Variants in BIRC6 observed in about 807,000 individuals in gnomAD.
BIRC6 encodes baculoviral IAP repeat containing 6.
A neutral mutation model predicts 503.3 loss-of-function variants in BIRC6; 98 were observed. That is an observed-to-expected ratio of 0.19 (90% CI 0.17 to 0.23). The LOEUF is 0.23. Among genes scored for constraint, BIRC6 ranks in the 10% least tolerant of loss-of-function variants. The probability of loss-of-function intolerance (pLI) is 1.00; values close to 1 mark genes in which losing one functional copy is unlikely to be tolerated. For synonymous variants in BIRC6, 2,240 were observed against 2,078.7 expected (o/e 1.08, Z -2.11); for missense variants, 5,360 against 5,806.0 (o/e 0.92, Z 2.50).
chr2:32,537,951 C>T (rs531056340), intron 61 of BIRC6, among the ~76,000 whole-genome samples: 2 of 149,812 alleles, frequency 1.3e-5, no homozygotes, highest in African/African-American at 2.5e-5. Flanking sequence ...TGGGCGACAG[C>T]GAGACTCCGT....
intron 65 of BIRC6, among the ~76,000 whole-genome samples, chr2:32,572,402 C>G (rs1411434497): frequency 6.6e-6 from 1 of 152,216 alleles, no homozygotes; most frequent in South Asian, 2.1e-4. Context: ...CCAGCTTTCC[C>G]TATTGAAAAC....
chr2:32,617,601 G>GGA (rs1180865967), intron 73 of BIRC6, 124 bp from the exon 74 acceptor site: 2 of 1,001,784 alleles, frequency 2.0e-6, no homozygotes, highest in African/African-American at 3.2e-5. Context: ...GCTTGCATAA[G>GGA]GAGGGGCTCA....
At chr2:32,429,038 C>T (rs1357243119) in intron 10 of BIRC6, 108 bp from the exon 11 acceptor site, 3 of 944,850 alleles carry the variant, frequency 3.2e-6, no homozygotes, top group Non-Finnish European at 4.5e-6. Flanking sequence ...GGTAGCTTTC[C>T]TTATCTGCCT....
At chr2:32,450,260 C>T (rs1430960394) in intron 22 of BIRC6, among the ~76,000 whole-genome samples, 3 of 152,198 alleles carry the variant, frequency 2.0e-5, no homozygotes, top group Non-Finnish European at 2.9e-5. Flanking sequence ...GGGCAGATCA[C>T]GAGGTCAGGA....
At chr2:32,452,204 C>T (rs1362521160) in intron 22 of BIRC6, among the ~76,000 whole-genome samples, 1 of 152,046 alleles carries the variant, frequency 6.6e-6, no homozygotes, top group South Asian at 2.1e-4. Flanking sequence ...TATAACACGT[C>T]GAATACGGAG....
chr2:32,607,766 T>A, intron 72 of BIRC6, 123 bp downstream of exon 72: 1 of 705,456 alleles, frequency 1.4e-6, no homozygotes, highest in Non-Finnish European at 2.1e-6. Context: ...TCACTTCAGG[T>A]CAGGAGTCTG....
chr2:32,500,420 ATT>A (rs368668031), intron 46 of BIRC6, among the ~76,000 whole-genome samples: 13 of 140,370 alleles, frequency 9.3e-5, no homozygotes, highest in Admixed American at 1.4e-4. Flanking sequence ...CACCCAGCTA[ATT>A]TTTTTTTTTT....
chr2:32,500,755 G>A (rs764944070), intron 46 of BIRC6, among the ~76,000 whole-genome samples: 8 of 151,906 alleles, frequency 5.3e-5, no homozygotes, highest in Non-Finnish European at 1.2e-4. Flanking sequence ...ACAGGCATGT[G>A]CCACCAGGCC....
chr2:32,569,437 G>A (rs960977088), intron 65 of BIRC6, among the ~76,000 whole-genome samples: 1 of 152,112 alleles, frequency 6.6e-6, no homozygotes. Context: ...AGTGCTATCA[G>A]AGCTCACTGT....
Position 32,388,855 on chromosome 2 carries a change from G to T in BIRC6, c.751G>T (p.Val251Leu). The change falls in exon 4 of 74, where the codon GTG becomes TTG. Residue 251 changes from valine to leucine, a missense_variant. By Grantham distance (32) the Val-to-Leu change is conservative. Transcript: ENST00000421745. Reference sequence around the variant, plus strand: ...AAATCAAAATGTTGCTGCCTTACCTGTGGCGTCCTCAGTGATGGACAGATT... The same window carrying T: ...AAATCAAAATGTTGCTGCCTTACCTTTGGCGTCCTCAGTGATGGACAGATT... The part of the protein sequence containing the change: ...KINQNVAALP[V>L]ASSVMDRLSY... The T allele has an allele frequency of 6.2e-7, 1 of 1,613,394 alleles. No individual in the cohort carries two copies.
At chr2:32,439,197 A>G (rs1033750) in intron 15 of BIRC6, among the ~76,000 whole-genome samples, 149,096 of 151,202 alleles carry the variant, frequency 0.99, 73,521 homozygotes, top group East Asian at 1. Context: ...GTGCGTGTGT[A>G]TGTGTGTGTG....
intron 23 of BIRC6, among the ~76,000 whole-genome samples, chr2:32,456,253 A>G (rs188605597): frequency 3.3e-5 from 5 of 152,214 alleles, no homozygotes; most frequent in African/African-American, 1.2e-4. Context: ...TAAGGTCTGT[A>G]TAACATAGAA....
At position 32,518,941 on chromosome 2, in the gene BIRC6, T is replaced by G; in HGVS notation, c.11618T>G (p.Val3873Gly). The change falls in exon 57 of 74, where the codon GTG (valine) becomes GGG (glycine). Residue 3873 changes from valine to glycine, a missense_variant. Around this residue, in one of 16 missense-constraint regions of BIRC6, gnomAD observed 878 missense variants for 928.9 expected, o/e 0.95. Transcript: ENST00000421745. ...ACATTATCAGATGTTCTTGACAGAGTGTCAGGCAAGTCAGATTTAAGTATT... is the reference window on the plus strand; with the variant it reads ...ACATTATCAGATGTTCTTGACAGAGGGTCAGGCAAGTCAGATTTAAGTATT... Reference protein sequence around the residue: ...STTLSDVLDRVSDTPSITAKL... With the variant: ...STTLSDVLDRGSDTPSITAKL... The G allele has an allele frequency of 6.2e-7, 1 of 1,613,430 alleles. No homozygotes were observed. Among genetic ancestry groups the G allele is most frequent in the Non-Finnish European group, 8.5e-7 (1 of 1,179,596 alleles).
chr2:32,539,160 T>G (rs577146066), intron 61 of BIRC6, among the ~76,000 whole-genome samples: 60 of 152,316 alleles, frequency 3.9e-4, no homozygotes, highest in Admixed American at 1.2e-3. Flanking sequence ...TCAGAATAAG[T>G]CATAACAATC....
At chr2:32,491,358 T>A (rs2051685746) in intron 43 of BIRC6, 67 bp from the exon 44 acceptor site, 7 of 1,423,770 alleles carry the variant, frequency 4.9e-6, no homozygotes, top group Non-Finnish European at 6.6e-6. Flanking sequence ...AAAAGATGCT[T>A]TCAGATACTG....
chr2:32,448,477 C>A (rs1166446783), intron 21 of BIRC6, among the ~76,000 whole-genome samples: 64 of 151,588 alleles, frequency 4.2e-4, no homozygotes, highest in African/African-American at 1.5e-3. Context: ...AGCAAAACCC[C>A]GTCTCCACCA....
chr2:32,421,727 T>G lies in BIRC6; in HGVS notation c.2872+5564T>G, dbSNP rs79811780. ...TTATATGAAGTCAGTATTTTGAAAT[T>G]TATTGAGACTTTTTCATGACCCAGC... On this transcript the variant is annotated intron_variant, in intron 10 of 73. Coordinates refer to ENST00000421745, the MANE Select transcript of BIRC6 (RefSeq NM_016252.4). Among the ~76,000 whole-genome samples, 555 of 152,324 alleles carry G rather than the reference T, an allele frequency of 3.6e-3. 4 individuals carry two copies. Among genetic ancestry groups the G allele is most frequent in the African/African-American group, 0.012 (496 of 41,562 alleles).
At chr2:32,464,371 C>G in intron 24 of BIRC6, 138 bp from the exon 25 acceptor site, 1 of 1,100,412 alleles carries the variant, frequency 9.1e-7, no homozygotes, top group Non-Finnish European at 1.3e-6. Context: ...TATATCGAGT[C>G]CAGTTTTGAT....
chr2:32,589,193 A>T (rs1041139434), intron 66 of BIRC6, among the ~76,000 whole-genome samples: 22 of 152,216 alleles, frequency 1.4e-4, no homozygotes, highest in Non-Finnish European at 2.9e-4. Context: ...AGGGCATGAC[A>T]CAAATGACTC....
Sources: allele counts gnomAD v4.1 joint callset (sites outside exome capture counted in the v4.1 genomes callset), GRCh38; gene constraint gnomAD v4.1.1; regional missense constraint gnomAD v4.1.1; transcripts MANE v1.5; gene names NCBI Gene and HGNC (gene_info 2026-07-23, HGNC 2026-07-21).